The following CNTN1 variants were observed in gnomAD, a reference collection of about 807,000 sequenced individuals.
The protein encoded by CNTN1 is contactin-1.
Under a neutral mutation model 126.4 loss-of-function variants are expected in CNTN1, and 38 were observed. The ratio of observed to expected loss-of-function variants is 0.30; its 90% CI spans 0.23 to 0.39. The LOEUF (loss-of-function observed/expected upper bound fraction) is 0.39, where lower values mean the gene tolerates loss of function less well. Among genes scored for constraint, CNTN1 ranks in the 10% least tolerant of loss-of-function variants. The pLI is 1.00. For missense variants in CNTN1, 1,009 were observed against 1,248.4 expected (o/e 0.81, Z 2.89); for synonymous variants, 413 against 422.6 (o/e 0.98, Z 0.28).
At chr12:40,913,383 T>C (rs1210416696) in intron 3 of CNTN1, among the ~76,000 whole-genome samples, 4 of 151,934 alleles carry the variant, frequency 2.6e-5, no homozygotes, top group Non-Finnish European at 5.9e-5. Context: ...ATTTAGAGAG[T>C]TTCAAGAGAG....
chr12:40,776,332 C>T (rs1044423233), intron 1 of CNTN1, among the ~76,000 whole-genome samples: 1 of 151,588 alleles, frequency 6.6e-6, no homozygotes, highest in Non-Finnish European at 1.5e-5. Context: ...GAATTGCACA[C>T]TTAAAATAGA....
At chr12:40,915,304 T>G (rs1402574879) in intron 3 of CNTN1, among the ~76,000 whole-genome samples, 1 of 152,096 alleles carries the variant, frequency 6.6e-6, no homozygotes, top group Admixed American at 6.6e-5. Context: ...TCACCTTACT[T>G]CAAAGAGATA....
intron 15 of CNTN1, among the ~76,000 whole-genome samples, chr12:40,965,503 G>T (rs568581464): frequency 6.3e-4 from 96 of 152,018 alleles, no homozygotes; most frequent in Non-Finnish European, 1.3e-3. Context: ...TTCAGTTTCT[G>T]CTCTTTTCTC....
At chr12:40,768,188 CTTAA>C (rs1290462816) in intron 1 of CNTN1, among the ~76,000 whole-genome samples, 1 of 152,110 alleles carries the variant, frequency 6.6e-6, no homozygotes, top group Non-Finnish European at 1.5e-5. Flanking sequence ...TGCTGTGTTA[CTTAA>C]TTGTTACCAC....
intron 1 of CNTN1, among the ~76,000 whole-genome samples, chr12:40,830,355 T>C (rs1941767134): frequency 1.3e-5 from 2 of 152,036 alleles, no homozygotes; most frequent in Admixed American, 6.6e-5. Flanking sequence ...TGAGTTTAGA[T>C]AGTGATTATT....
At chr12:40,939,613 G>T (rs1207490155) in intron 12 of CNTN1, 128 bp downstream of exon 12, 1 of 967,202 alleles carries the variant, frequency 1.0e-6, no homozygotes. Context: ...AGAAGATCCT[G>T]TAGTTCTAAG....
At chr12:40,788,533 A>T (rs1592088010) in intron 1 of CNTN1, among the ~76,000 whole-genome samples, 2 of 152,084 alleles carry the variant, frequency 1.3e-5, no homozygotes, top group East Asian at 3.9e-4. Context: ...CAGCAGCCTC[A>T]GTCAAGAACA....
intron 23 of CNTN1, among the ~76,000 whole-genome samples, chr12:41,038,996 T>C (rs916723684): frequency 3.3e-5 from 5 of 152,040 alleles, no homozygotes; most frequent in Admixed American, 1.3e-4. Flanking sequence ...ACTGGCTGTA[T>C]GTTTAGATGT....
intron 14 of CNTN1, among the ~76,000 whole-genome samples, chr12:40,945,303 C>A (rs1021086395): frequency 6.6e-6 from 1 of 151,928 alleles, no homozygotes; most frequent in African/African-American, 2.4e-5. Context: ...AAATTGGCAC[C>A]AAAATCTCCA....
chr12:40,975,181 TATATATATATATATATATATATATATATA>T (rs1947639257), intron 15 of CNTN1, among the ~76,000 whole-genome samples: 2 of 126,700 alleles, frequency 1.6e-5, no homozygotes, highest in Non-Finnish European at 3.4e-5. Context: ...AAATGGATTA[TATATATATATATATATATATATATATATA>T]TATATATATA....
At chr12:40,870,792 A>G (rs1943459921) in intron 1 of CNTN1, among the ~76,000 whole-genome samples, 1 of 152,104 alleles carries the variant, frequency 6.6e-6, no homozygotes, top group Non-Finnish European at 1.5e-5. Context: ...ACACACAAAT[A>G]AATAAAAAGC....
intron 23 of CNTN1, among the ~76,000 whole-genome samples, chr12:41,040,995 T>A (rs61924409): frequency 2.2e-4 from 28 of 128,736 alleles, no homozygotes; most frequent in African/African-American, 9.1e-4. Flanking sequence ...CTTGTGCCAG[T>A]TTTCAAAGGG....
chr12:40,887,827 T>C (rs1016174028), intron 1 of CNTN1, among the ~76,000 whole-genome samples: 7 of 152,088 alleles, frequency 4.6e-5, no homozygotes, highest in African/African-American at 1.4e-4. Context: ...TGGAATACTA[T>C]GCAGCCATAA....
At chr12:40,780,417 A>C (rs1456990648) in intron 1 of CNTN1, among the ~76,000 whole-genome samples, 1 of 151,944 alleles carries the variant, frequency 6.6e-6, no homozygotes, top group Non-Finnish European at 1.5e-5. Context: ...TCAATAATTT[A>C]TTTAGTTAAC....
intron 1 of CNTN1, among the ~76,000 whole-genome samples, chr12:40,851,857 T>G (rs978389731): frequency 3.3e-5 from 5 of 152,140 alleles, no homozygotes; most frequent in African/African-American, 1.2e-4. Flanking sequence ...GTTTATTCTG[T>G]GCAAGTATAG....
intron 23 of CNTN1, among the ~76,000 whole-genome samples, chr12:41,036,668 G>T (rs138176926): frequency 6.6e-6 from 1 of 152,066 alleles, no homozygotes; most frequent in Non-Finnish European, 1.5e-5. Flanking sequence ...ACAGATAATA[G>T]TGTAGCCATT....
chr12:40,946,581 T>C (rs941554165), intron 14 of CNTN1, among the ~76,000 whole-genome samples: 10 of 152,110 alleles, frequency 6.6e-5, no homozygotes, highest in African/African-American at 2.4e-4. Context: ...TGTTTTTTGG[T>C]AGCTATTACA....
intron 16 of CNTN1, 26 bp downstream of exon 16, chr12:40,981,093 C>A (rs202213381): frequency 1.2e-6 from 2 of 1,609,084 alleles, no homozygotes; most frequent in Admixed American, 3.3e-5. Flanking sequence ...CTGATTAATC[C>A]GTGCATGTTT....
intron 1 of CNTN1, among the ~76,000 whole-genome samples, chr12:40,821,395 T>G (rs894381141): frequency 6.6e-6 from 1 of 152,208 alleles, no homozygotes; most frequent in Non-Finnish European, 1.5e-5. Flanking sequence ...ACTGCCTATT[T>G]TAAAGTAACT....
Sources: allele counts gnomAD v4.1 joint callset (sites outside exome capture counted in the v4.1 genomes callset), GRCh38; gene constraint gnomAD v4.1.1; transcripts MANE v1.5; gene names NCBI Gene and HGNC (gene_info 2026-07-23, HGNC 2026-07-21).